Variants in CLU observed in about 807,000 individuals in gnomAD.
CLU encodes the protein aging-associated protein 4.
A neutral mutation model predicts 46.4 loss-of-function variants in CLU; 25 were observed. The ratio of observed to expected loss-of-function variants is 0.54; its 90% CI spans 0.39 to 0.75. CLU has a LOEUF of 0.75. Ranked by LOEUF, CLU falls within the 30% of genes least tolerant of loss-of-function variation. The pLI is 0.00. For missense variants in CLU, 504 were observed against 592.1 expected (o/e 0.85, Z 1.54); for synonymous variants, 235 against 235.1 (o/e 1.00, Z 0.00).
Position 27,599,900 on chromosome 8 carries a change from G to T in CLU, c.1044C>A (p.Tyr348Ter), listed in dbSNP as rs781762653. Residue 348 changes from tyrosine (Y) to a stop codon, truncating the protein, a stop_gained, in exon 7 of 9, where the codon TAC (tyrosine) becomes TAA (stop). Coordinates refer to ENST00000316403, the MANE Select transcript of CLU (RefSeq NM_001831.4). LOFTEE classifies it high-confidence loss of function. This position sits in a 1 kb window ranked among gnomAD's most constrained non-coding sequence, Gnocchi z 4.0. ...TRKYNELLKSYQWKMLNTSSL... is the reference protein window; with the variant it reads ...TRKYNELLKS ...AGGAGGTGTTGAGCATCTTCCACTG[G>T]TAGGACTTTAGCAGCTCGTTGTATT... 4 of 1,614,186 alleles carry T rather than the reference G, an allele frequency of 2.5e-6. No individual in the cohort carries two copies. Among genetic ancestry groups the T allele is most frequent in the Non-Finnish European group, 3.4e-6 (4 of 1,180,020 alleles).
At chr8:27,604,636 C>A (rs1800782519) in intron 5 of CLU, among the ~76,000 whole-genome samples, 2 of 152,032 alleles carry the variant, frequency 1.3e-5, no homozygotes, top group Admixed American at 1.3e-4. Context: ...CCACACCCGG[C>A]TAATTTTTTA....
chr8:27,604,470 T>G, intron 5 of CLU, 75 bp from the exon 6 acceptor site: 1 of 1,164,254 alleles, frequency 8.6e-7, no homozygotes, highest in Non-Finnish European at 1.3e-6. Context: ...CTATTGTTAT[T>G]TTTATTTATT....
In CLU at chr8:27,605,290, T is replaced by A. The variant is rs1241238645; in HGVS notation, c.463A>T (p.Asn155Tyr). ...NQSSPFYFWM[N>Y]GDRIDSLLEN... ...AGCAGGGAGTCGATGCGGTCACCAT[T>A]CATCCAGAAGTAGAAGGGCGAGCTC... Residue 155 changes from asparagine to tyrosine, a missense_variant, in exon 5 of 9, where the codon AAT becomes TAT. Asn to Tyr is a moderately radical substitution (Grantham distance 143, BLOSUM62 -2). Around this residue, in one of 3 missense-constraint regions of CLU, gnomAD observed 428 missense variants for 484.0 expected, o/e 0.88. Coordinates refer to ENST00000316403, the MANE Select transcript of CLU (RefSeq NM_001831.4). The A allele has an allele frequency of 6.2e-7, 1 of 1,614,188 alleles. No homozygotes were observed. The highest frequency in any genetic ancestry group is 8.5e-7 in the Non-Finnish European group (1 of 1,180,034).
chr8:27,597,294 G>A lies in CLU; in HGVS notation c.*947C>T, dbSNP rs1387619618. The A allele has an allele frequency of 2.2e-6, 1 of 454,440 alleles. No homozygotes were observed. Among genetic ancestry groups the A allele is most frequent in the South Asian group, 1.6e-5 (1 of 64,482 alleles). The allele number at this position is 454,440 out of a possible 1,614,324, so 28.2% of individuals were successfully genotyped here. A position where few individuals can be genotyped will look rare whatever the true frequency, so the allele number is the denominator to read the frequency against. ...AATGAACGAAAAGCCTGAGCTTTAA[G>A]ACTGAGATTGGTACCACGGGTAGTC... On this transcript the variant is annotated 3_prime_UTR_variant, in exon 9 of 9. Transcript: ENST00000316403.
rs1476048853 is a variant in CLU, at chr8:27,605,213, G to A, written c.540C>T (p.Phe180=). 1.2e-6 allele frequency: 2 copies of A among 1,614,216 alleles called. No homozygotes were observed. The highest frequency in any genetic ancestry group is 8.5e-7 in the Non-Finnish European group (1 of 1,180,032). ...THMLDVMQDH[F]SRASSIIDEL... is the part of the protein sequence containing the mutation. ...CGTCTATGATGCTGGACGCGCGGCTGAAGTGGTCCTGCATGACATCCAGCA... is the reference window on the plus strand; with the variant it reads ...CGTCTATGATGCTGGACGCGCGGCTAAAGTGGTCCTGCATGACATCCAGCA... The change falls in exon 5 of 9, where the codon TTC becomes TTT. Residue 180 remains phenylalanine, a synonymous_variant. Transcript: ENST00000316403.
At chr8:27,607,470 C>T (rs1742912683) in intron 3 of CLU, among the ~76,000 whole-genome samples, 3 of 150,960 alleles carry the variant, frequency 2.0e-5, no homozygotes, top group Non-Finnish European at 3.0e-5. Flanking sequence ...TCAGAACCAA[C>T]CCAGATGCTT....
chr8:27,602,344 TG>T (rs1382174338), intron 6 of CLU, among the ~76,000 whole-genome samples: 1 of 152,110 alleles, frequency 6.6e-6, no homozygotes, highest in Non-Finnish European at 1.5e-5. Flanking sequence ...TGCTCACACC[TG>T]TAATCCCAGC....
chr8:27,602,981 CTT>C (rs1032454322), intron 6 of CLU, among the ~76,000 whole-genome samples: 3 of 152,180 alleles, frequency 2.0e-5, no homozygotes, highest in African/African-American at 7.2e-5. Context: ...AGGAGAATCA[CTT>C]GAACCCAGGA....
At position 27,597,362 on chromosome 8, in the gene CLU, G is replaced by T; in HGVS notation, c.*879C>A. On this transcript the variant is annotated 3_prime_UTR_variant, in exon 9 of 9. Transcript: ENST00000316403. ...GCGTAGGGTACTGCAGCCCAGCTATGGTTCAGACTAAAAGCCGAGAAACGC... is the reference window on the plus strand; with the variant it reads ...GCGTAGGGTACTGCAGCCCAGCTATTGTTCAGACTAAAAGCCGAGAAACGC... 2 of 454,518 alleles carry T rather than the reference G, an allele frequency of 4.4e-6. No individual in the cohort carries two copies. The highest frequency in any genetic ancestry group is 8.8e-6 in the Non-Finnish European group (2 of 226,782). 28.2% of individuals were successfully genotyped at this position (454,518 alleles called of 1,614,324 possible).
rs1403026183 is a variant in CLU, at chr8:27,604,288, C to T, written c.934+3G>A. The T allele has an allele frequency of 6.2e-7, 1 of 1,613,178 alleles. No homozygotes were observed. Among genetic ancestry groups the T allele is most frequent in the Non-Finnish European group, 8.5e-7 (1 of 1,179,274 alleles). On this transcript the variant is annotated splice_donor_region_variant and intron_variant, in intron 6 of 8. Coordinates refer to ENST00000316403, the MANE Select transcript of CLU (RefSeq NM_001831.4). Reference sequence around the variant, plus strand: ...ACGGCTTGTGGTCTGGACCCCGACTCACCCACAGACAAGATCTCCCGGCAC... The same window carrying T: ...ACGGCTTGTGGTCTGGACCCCGACTTACCCACAGACAAGATCTCCCGGCAC...
chr8:27,614,553 C>T (rs1283928636), intron 1 of CLU, 102 bp downstream of exon 1: 1 of 391,072 alleles, frequency 2.6e-6, no homozygotes, highest in Non-Finnish European at 5.2e-6. Context: ...GGGGTTGTGA[C>T]TGCGAGCTGT....
chr8:27,605,244 G>C lies in CLU; in HGVS notation c.509C>G (p.Thr170Arg), dbSNP rs774235625. ...DSLLENDRQQ[T>R]HMLDVMQDHF... Reference sequence around the variant, plus strand: ...GTCCTGCATGACATCCAGCATGTGCGTCTGCTGCCGGTCGTTCTCCAGCAG... The same window carrying C: ...GTCCTGCATGACATCCAGCATGTGCCTCTGCTGCCGGTCGTTCTCCAGCAG... Residue 170 changes from threonine (T) to arginine (R), a missense_variant, in exon 5 of 9, where the codon ACG becomes AGG. Physicochemically the swap from Thr to Arg is moderately conservative, Grantham distance 71 (BLOSUM62 -1). Transcript: ENST00000316403. 9 of 1,614,068 alleles carry C rather than the reference G, an allele frequency of 5.6e-6. No individual in the cohort carries two copies. Among genetic ancestry groups the C allele is most frequent in the African/African-American group, 4.0e-5 (3 of 74,910 alleles).
chr8:27,608,534 AC>A (rs1453681022), intron 3 of CLU: 3 of 343,698 alleles, frequency 8.7e-6, no homozygotes, highest in Non-Finnish European at 1.6e-5. Context: ...CTCTAGCAAG[AC>A]GTGGGGTGCT....
At chr8:27,606,112 A>G (rs1800817462) in intron 4 of CLU, among the ~76,000 whole-genome samples, 1 of 152,144 alleles carries the variant, frequency 6.6e-6, no homozygotes, top group Non-Finnish European at 1.5e-5. Flanking sequence ...GAAGCAGTTT[A>G]TTATGTCATC....
Position 27,610,557 on chromosome 8 carries a change from CAG to C in CLU, c.13_14del (p.Leu5AlafsTer25). 6.2e-7 allele frequency: 1 copy of C among 1,614,232 alleles called. No homozygotes were observed. Among genetic ancestry groups the C allele is most frequent in the Non-Finnish European group, 8.5e-7 (1 of 1,180,022 alleles). On this transcript the variant is annotated frameshift_variant, in exon 2 of 9. Transcript: ENST00000316403. LOFTEE classifies it high-confidence loss of function. ...TCAGCAGCAGCCCCACAAACAGCAG[CAG>C]AGTCTTCATCATGCCTCCAATTCTG... Reference protein sequence around the residue: MMKTLLLFVGLLLTW... With the variant: MMKTXLLFVGLLLTW...
chr8:27,603,168 G>A (rs943135622), intron 6 of CLU, among the ~76,000 whole-genome samples: 3 of 152,294 alleles, frequency 2.0e-5, no homozygotes, highest in Middle Eastern at 3.4e-3. Flanking sequence ...TCCAATCTGG[G>A]CACAGGCATC....
chr8:27,603,190 T>C lies in CLU; in HGVS notation c.934+1101A>G, dbSNP rs564660046. ...TGGGCACAGGCATCTGGACATCTTTTCTCAGACCCTAACATGACTTTCTTG... is the reference window on the plus strand; with the variant it reads ...TGGGCACAGGCATCTGGACATCTTTCCTCAGACCCTAACATGACTTTCTTG... On this transcript the variant is annotated intron_variant, in intron 6 of 8. Coordinates refer to ENST00000316403, the MANE Select transcript of CLU (RefSeq NM_001831.4). 1.9e-4 allele frequency among the ~76,000 whole-genome samples: 29 copies of C among 152,348 alleles called. No individual in the cohort carries two copies. The South Asian group carries it at 5.6e-3, about 29-fold the overall frequency.
chr8:27,605,630 C>T (rs1800808852), intron 4 of CLU, among the ~76,000 whole-genome samples: 1 of 152,250 alleles, frequency 6.6e-6, no homozygotes, highest in African/African-American at 2.4e-5. Flanking sequence ...ATGATATCCA[C>T]CCCCGCTCGG....
intron 3 of CLU, chr8:27,608,726 C>T (rs1800866529): frequency 1.6e-6 from 1 of 626,690 alleles, no homozygotes; most frequent in African/African-American, 1.8e-5. Context: ...GGGCCAGGCT[C>T]ATAACAAAAC....
Sources: allele counts gnomAD v4.1 joint callset (sites outside exome capture counted in the v4.1 genomes callset), GRCh38; gene constraint gnomAD v4.1.1; regional missense constraint gnomAD v4.1.1; non-coding constraint Gnocchi (gnomAD v3.1); transcripts MANE v1.5; gene names NCBI Gene and HGNC (gene_info 2026-07-23, HGNC 2026-07-21).